Variants in KATNAL2 observed in about 807,000 individuals in gnomAD.
The protein encoded by KATNAL2 is katanin p60 ATPase-containing subunit A-like 2.
KATNAL2 carries 52 observed loss-of-function variants against 76.3 expected under a neutral mutation model. The observed-to-expected ratio is 0.68, with a 90% confidence interval of 0.55 to 0.86. The LOEUF is 0.86. Ranked by LOEUF, KATNAL2 falls within the 40% of genes least tolerant of loss-of-function variation. The probability of loss-of-function intolerance (pLI) is 0.00; values close to 1 mark genes in which losing one functional copy is unlikely to be tolerated. For missense variants in KATNAL2, 660 were observed against 668.9 expected (o/e 0.99, Z 0.15); for synonymous variants, 243 against 244.2 (o/e 1.00, Z 0.05).
chr18:47,040,628 T>A (rs1385072462), intron 3 of KATNAL2, among the ~76,000 whole-genome samples: 1 of 152,216 alleles, frequency 6.6e-6, no homozygotes, highest in African/African-American at 2.4e-5. Context: ...GAGTACTACT[T>A]TGTAAGAAGA....
At chr18:46,961,683 C>A (rs1386239529) in intron 3 of KATNAL2, among the ~76,000 whole-genome samples, 1 of 152,182 alleles carries the variant, frequency 6.6e-6, no homozygotes, top group African/African-American at 2.4e-5. Flanking sequence ...TTTTGACCAC[C>A]AATTTTTGAA....
chr18:46,932,146 C>T lies in KATNAL2; in HGVS notation c.-509-13911C>T, dbSNP rs572007754. Among the ~76,000 whole-genome samples the T allele has an allele frequency of 4.4e-4, 67 of 152,056 alleles. 1 individual carries two copies. In the South Asian group the frequency reaches 0.011, roughly 25 times the overall value. On this transcript the variant is annotated intron_variant, in intron 1 of 17. Coordinates refer to ENST00000683218, the MANE Select transcript of KATNAL2 (RefSeq NM_001387690.1). ...CAGGATGGTCTCGATCTCCTGACCT[C>T]GTGATCCGCCCGCCTTGGCCTCCCA...
chr18:46,946,354 A>G lies in KATNAL2; in HGVS notation c.-212A>G, dbSNP rs1029083480. ...GCATCCCAGAAGGCTCTTGACAACC[A>G]AAGTGTCCACAGCAGATTCGTCCAG... is the stretch of plus-strand genomic sequence containing the variant. On this transcript the variant is annotated 5_prime_UTR_variant, in exon 2 of 18. Coordinates refer to ENST00000683218, the MANE Select transcript of KATNAL2 (RefSeq NM_001387690.1). 3 of 1,027,598 alleles carry G rather than the reference A, an allele frequency of 2.9e-6. No individual in the cohort carries two copies. In the African/African-American group the frequency reaches 5.2e-5, roughly 18 times the overall value. 63.7% of individuals were successfully genotyped at this position (1,027,598 alleles called of 1,614,324 possible).
At chr18:47,035,348 G>T in intron 3 of KATNAL2, 1 of 1,598,108 alleles carries the variant, frequency 6.3e-7, no homozygotes, top group Non-Finnish European at 8.5e-7. Context: ...TGGGGTGGCC[G>T]GTCCTCGCTG....
At chr18:47,033,499 CAAT>C (rs761199150) in intron 3 of KATNAL2, 6 of 1,614,158 alleles carry the variant, frequency 3.7e-6, no homozygotes, top group Non-Finnish European at 5.1e-6. Context: ...GTCCTGGAAA[CAAT>C]GATTCCTCCG....
intron 1 of KATNAL2, among the ~76,000 whole-genome samples, chr18:46,932,241 G>A (rs1025647192): frequency 6.6e-6 from 1 of 152,068 alleles, no homozygotes. Context: ...AAAAGCATTA[G>A]AAGACAATAA....
intron 1 of KATNAL2, among the ~76,000 whole-genome samples, chr18:46,942,453 A>G (rs1211532185): frequency 6.6e-6 from 1 of 152,116 alleles, no homozygotes; most frequent in African/African-American, 2.4e-5. Flanking sequence ...TGTCTCTACT[A>G]AAATACAAAA....
At chr18:47,031,427 T>TTG (rs1384444316) in intron 3 of KATNAL2, among the ~76,000 whole-genome samples, 5 of 152,122 alleles carry the variant, frequency 3.3e-5, no homozygotes, top group Non-Finnish European at 7.4e-5. Flanking sequence ...GTCTTTCTTT[T>TTG]TGTGTGTGTT....
intron 4 of KATNAL2, among the ~76,000 whole-genome samples, chr18:47,052,627 C>T (rs2061368188): frequency 6.6e-6 from 1 of 152,180 alleles, no homozygotes; most frequent in African/African-American, 2.4e-5. Flanking sequence ...CAAAAACATC[C>T]TTAACAACGG....
chr18:46,923,920 T>A (rs1272321006), intron 1 of KATNAL2, among the ~76,000 whole-genome samples: 1 of 152,086 alleles, frequency 6.6e-6, no homozygotes, highest in African/African-American at 2.4e-5. Flanking sequence ...TTTGATAGGG[T>A]TGTTTGTTTT....
chr18:46,961,516 A>C (rs962938117), intron 3 of KATNAL2, among the ~76,000 whole-genome samples: 8 of 152,194 alleles, frequency 5.3e-5, no homozygotes, highest in African/African-American at 1.9e-4. Flanking sequence ...TACACAGGGG[A>C]AGAGCAAGCA....
At chr18:47,067,418 A>G (rs922778751) in intron 11 of KATNAL2, among the ~76,000 whole-genome samples, 4 of 152,168 alleles carry the variant, frequency 2.6e-5, no homozygotes, top group African/African-American at 7.2e-5. Context: ...CTCCCTTAAA[A>G]ATATTCTTAT....
In KATNAL2 at chr18:46,937,035, G is replaced by A. The variant is rs180968060; in HGVS notation, c.-509-9022G>A. On this transcript the variant is annotated intron_variant, in intron 1 of 17. Transcript: ENST00000683218. ...TAAACCAATGTGGGAGGTTTGTGAG[G>A]AACTGCTAAAAATCTGTTTTTCACT... 2.0e-4 allele frequency among the ~76,000 whole-genome samples: 30 copies of A among 152,250 alleles called. No individual in the cohort carries two copies. In the South Asian group the frequency reaches 2.5e-3, roughly 13 times the overall value.
chr18:46,959,203 C>G (rs536031272), intron 3 of KATNAL2, among the ~76,000 whole-genome samples: 2 of 152,314 alleles, frequency 1.3e-5, no homozygotes, highest in East Asian at 1.9e-4. Context: ...GTTCTAAACA[C>G]TAATTAAACA....
chr18:47,036,882 T>G (rs1045627073), intron 3 of KATNAL2, among the ~76,000 whole-genome samples: 13 of 152,354 alleles, frequency 8.5e-5, no homozygotes, highest in African/African-American at 1.2e-4. Flanking sequence ...AGCATTTTTT[T>G]GGGTTGTACA....
intron 3 of KATNAL2, among the ~76,000 whole-genome samples, chr18:46,947,697 G>A (rs550298857): frequency 1.3e-5 from 2 of 152,248 alleles, no homozygotes; most frequent in African/African-American, 4.8e-5. Context: ...TTTTTAGAAA[G>A]CTCAAGAGGT....
chr18:47,035,313 C>A, intron 3 of KATNAL2: 1 of 1,610,256 alleles, frequency 6.2e-7, no homozygotes, highest in East Asian at 2.2e-5. Flanking sequence ...GCAGCTCTGT[C>A]TTTGGGGCTG....
At chr18:47,034,007 T>C in intron 3 of KATNAL2, 1 of 1,613,998 alleles carries the variant, frequency 6.2e-7, no homozygotes, top group South Asian at 1.1e-5. Flanking sequence ...GACTCACGAG[T>C]GCCCTTGGAT....
chr18:47,077,543 G>A, intron 15 of KATNAL2, 82 bp downstream of exon 15: 1 of 936,402 alleles, frequency 1.1e-6, no homozygotes, highest in Non-Finnish European at 1.7e-6. Flanking sequence ...GACCACTTCA[G>A]GCAAAGCTGT....
Sources: allele counts gnomAD v4.1 joint callset (sites outside exome capture counted in the v4.1 genomes callset), GRCh38; gene constraint gnomAD v4.1.1; transcripts MANE v1.5; gene names NCBI Gene and HGNC (gene_info 2026-07-23, HGNC 2026-07-21).